The following PCDHGB5 variants were observed in gnomAD, a reference collection of about 807,000 sequenced individuals.
The protein encoded by PCDHGB5 is protocadherin gamma subfamily B, 5.
Under a neutral mutation model 62.9 loss-of-function variants are expected in PCDHGB5, and 48 were observed. The observed-to-expected ratio is 0.76, with a 90% confidence interval of 0.61 to 0.97. The LOEUF is 0.97. PCDHGB5 is among the 50% of genes least tolerant of loss of function. The pLI, the probability that PCDHGB5 is intolerant of heterozygous loss-of-function variation, is 0.00. For synonymous variants in PCDHGB5, 474 were observed against 511.2 expected (o/e 0.93, Z 0.98); for missense variants, 1,118 against 1,198.6 (o/e 0.93, Z 0.99).
In PCDHGB5 at chr5:141,410,139, T is replaced by C. The variant is rs73279096; in HGVS notation, c.2397+9615T>C. ...GCCCGCCAGCGCCTGCTGGTCGCTG[T>C]GCGTGACGGTGGACAGCCGCCACTC... On this transcript the variant is annotated intron_variant, in intron 1 of 3. Coordinates refer to ENST00000617380, the MANE Select transcript of PCDHGB5 (RefSeq NM_018925.3). The C allele has an allele frequency of 1.6e-4, 252 of 1,612,722 alleles. No individual in the cohort carries two copies. In the African/African-American group the frequency reaches 3.0e-3, roughly 19 times the overall value.
In PCDHGB5 at chr5:141,486,370, T is replaced by A; in HGVS notation, c.2398-8437T>A. On this transcript the variant is annotated intron_variant, in intron 1 of 3. Transcript: ENST00000617380. This position sits in a 1 kb window ranked among gnomAD's most constrained non-coding sequence, Gnocchi z 5.0. ...ACCACTTGCCATTTGCCCTCAAGTC[T>A]GCCTTCAGGAACCAGTTCTCCCTGG... 1 of 1,614,106 alleles carries A rather than the reference T, an allele frequency of 6.2e-7. No homozygotes were observed. The highest frequency in any genetic ancestry group is 8.5e-7 in the Non-Finnish European group (1 of 1,179,986).
Position 141,491,402 on chromosome 5 carries a change from C to T in PCDHGB5, c.2398-3405C>T. 1 of 1,614,156 alleles carries T rather than the reference C, an allele frequency of 6.2e-7. No individual in the cohort carries two copies. Among genetic ancestry groups the T allele is most frequent in the Non-Finnish European group, 8.5e-7 (1 of 1,180,022 alleles). ...TCAGCGAAGTGCCTTCAGGGAAACG[C>T]AGACGGGGACGGGGGTGGAGGGCAG... On this transcript the variant is annotated intron_variant, in intron 1 of 3. Transcript: ENST00000617380. The surrounding 1 kb of genome is among the most constrained non-coding windows in gnomAD (Gnocchi z 6.9).
At chr5:141,404,508 C>T (rs2154535422) in intron 1 of PCDHGB5, 2 of 1,613,964 alleles carry the variant, frequency 1.2e-6, no homozygotes, top group Non-Finnish European at 1.7e-6. Flanking sequence ...GCTCTGTGCT[C>T]CTTTGACTAT....
intron 1 of PCDHGB5, chr5:141,403,028 G>A (rs1396801327): frequency 6.2e-7 from 1 of 1,614,074 alleles, no homozygotes; most frequent in Admixed American, 1.7e-5. Context: ...GCTATGGGAG[G>A]CCAGGGCCAG....
chr5:141,421,617 C>T, intron 1 of PCDHGB5: 3 of 1,613,768 alleles, frequency 1.9e-6, no homozygotes, highest in African/African-American at 1.3e-5. Context: ...TTAATGATAA[C>T]GCCCCCAGCT....
At chr5:141,413,316 T>G (rs769316460) in intron 1 of PCDHGB5, 1 of 1,613,976 alleles carries the variant, frequency 6.2e-7, no homozygotes, top group South Asian at 1.1e-5. Context: ...AGAAAGGCTC[T>G]TTCGTGGGCA....
chr5:141,449,588 C>CAAA (rs768743917), intron 1 of PCDHGB5, among the ~76,000 whole-genome samples: 1 of 57,476 alleles, frequency 1.7e-5, no homozygotes, highest in East Asian at 5.2e-4. Context: ...GACTCTGTCT[C>CAAA]AAAAAAAAAA....
At chr5:141,505,532 G>A in intron 3 of PCDHGB5, 51 bp downstream of exon 3, 2 of 1,611,270 alleles carry the variant, frequency 1.2e-6, no homozygotes, top group Non-Finnish European at 1.7e-6. Context: ...GGGGTTCTGG[G>A]GTGCATCTCA....
chr5:141,471,206 T>C (rs113465424), intron 1 of PCDHGB5: 16,891 of 151,686 alleles, frequency 0.11, 970 homozygotes, highest in South Asian at 0.15. Context: ...CCCACCCCCA[T>C]GCCTGGCAAT....
intron 1 of PCDHGB5, chr5:141,408,761 G>A (rs1469424988): frequency 8.7e-6 from 14 of 1,610,446 alleles, no homozygotes; most frequent in Non-Finnish European, 1.2e-5. Flanking sequence ...AGTTAATTCC[G>A]ATGGTGGCAA....
intron 1 of PCDHGB5, chr5:141,478,803 T>G: frequency 2.1e-6 from 3 of 1,463,244 alleles, no homozygotes; most frequent in Non-Finnish European, 2.7e-6. Context: ...AGCACTCTTT[T>G]GCTATCACAA....
intron 1 of PCDHGB5, among the ~76,000 whole-genome samples, chr5:141,438,511 C>G (rs1436337566): frequency 6.8e-6 from 1 of 146,550 alleles, no homozygotes; most frequent in Non-Finnish European, 1.5e-5. Context: ...AGTGCAAAAC[C>G]AATTATTTTA....
At chr5:141,453,495 C>T (rs1490576605) in intron 1 of PCDHGB5, among the ~76,000 whole-genome samples, 1 of 151,968 alleles carries the variant, frequency 6.6e-6, no homozygotes, top group Admixed American at 6.6e-5. Flanking sequence ...AAAAGGTGTA[C>T]TCAGAAAATT....
In PCDHGB5 at chr5:141,432,927, G is replaced by T. The variant is rs774982939; in HGVS notation, c.2397+32403G>T. ...AGGCTGCGGCGCTGGCACAAGTCAC[G>T]CCTGCTGCAGGCTTCAGGAGGCGGC... is the stretch of plus-strand genomic sequence containing the variant. On this transcript the variant is annotated intron_variant, in intron 1 of 3. Coordinates refer to ENST00000617380, the MANE Select transcript of PCDHGB5 (RefSeq NM_018925.3). This position sits in a 1 kb window ranked among gnomAD's most constrained non-coding sequence, Gnocchi z 6.0. 1.9e-6 allele frequency: 3 copies of T among 1,614,162 alleles called. No homozygotes were observed. In the Admixed American group the frequency reaches 5.0e-5, roughly 27 times the overall value.
At position 141,487,915 on chromosome 5, in the gene PCDHGB5, G is replaced by T; in HGVS notation, c.2398-6892G>T. The T allele has an allele frequency of 1.5e-6, 1 of 655,128 alleles. No homozygotes were observed. Among genetic ancestry groups the T allele is most frequent in the Middle Eastern group, 3.5e-4 (1 of 2,862 alleles). The allele number at this position is 655,128 out of a possible 1,614,324, so 40.6% of individuals were successfully genotyped here. ...GATGATGGAATGTGGGAGCACAGGA[G>T]GCTACAGTGCACAGGGTACAGTGCA... On this transcript the variant is annotated intron_variant, in intron 1 of 3. Coordinates refer to ENST00000617380, the MANE Select transcript of PCDHGB5 (RefSeq NM_018925.3). This position sits in a 1 kb window ranked among gnomAD's most constrained non-coding sequence, Gnocchi z 5.0.
Position 141,489,138 on chromosome 5 carries a change from T to C in PCDHGB5, c.2398-5669T>C. 1.4e-6 allele frequency: 1 copy of C among 738,808 alleles called. No homozygotes were observed. The highest frequency in any genetic ancestry group is 3.0e-5 in the Admixed American group (1 of 33,014). The allele number at this position is 738,808 out of a possible 1,614,324, so 45.8% of individuals were successfully genotyped here. On this transcript the variant is annotated intron_variant, in intron 1 of 3. Transcript: ENST00000617380. This position sits in a 1 kb window ranked among gnomAD's most constrained non-coding sequence, Gnocchi z 4.5. ...AACCTCCGAGCAGTTTTTAAGAGGC[T>C]GGAAGGAGACATAAGAGACTTCAGC...
intron 2 of PCDHGB5, among the ~76,000 whole-genome samples, chr5:141,502,337 T>C (rs1562205634): frequency 6.6e-6 from 1 of 152,184 alleles, no homozygotes; most frequent in Admixed American, 6.5e-5. Flanking sequence ...CCCAGTCTTT[T>C]TATTTTTTTA....
rs150106838 is a variant in PCDHGB5, at chr5:141,503,886, T to C, written c.2457-1507T>C. On this transcript the variant is annotated intron_variant, in intron 2 of 3. Coordinates refer to ENST00000617380, the MANE Select transcript of PCDHGB5 (RefSeq NM_018925.3). Reference sequence around the variant, plus strand: ...AGTTCTTGGTTGTGCTCACCCACCATGACAAAATATGCACACACACAACGC... The same window carrying C: ...AGTTCTTGGTTGTGCTCACCCACCACGACAAAATATGCACACACACAACGC... Among the ~76,000 whole-genome samples, 20 of 152,290 alleles carry C rather than the reference T, an allele frequency of 1.3e-4. No individual in the cohort carries two copies. The South Asian group carries it at 3.9e-3, about 30-fold the overall frequency.
In PCDHGB5 at chr5:141,476,016, G is replaced by C; in HGVS notation, c.2398-18791G>C. On this transcript the variant is annotated intron_variant, in intron 1 of 3. Transcript: ENST00000617380. This position sits in a 1 kb window ranked among gnomAD's most constrained non-coding sequence, Gnocchi z 7.6. ...TCAACGGCATCCAGAAAGCCATGTC[G>C]GACTCGGCGCCCAGCGCCCAAGCGC... 1 of 1,359,386 alleles carries C rather than the reference G, an allele frequency of 7.4e-7. No homozygotes were observed. The highest frequency in any genetic ancestry group is 2.3e-5 in the East Asian group (1 of 43,300). 84.2% of individuals were successfully genotyped at this position (1,359,386 alleles called of 1,614,324 possible).
Sources: allele counts gnomAD v4.1 joint callset (sites outside exome capture counted in the v4.1 genomes callset), GRCh38; gene constraint gnomAD v4.1.1; non-coding constraint Gnocchi (gnomAD v3.1); transcripts MANE v1.5; gene names NCBI Gene and HGNC (gene_info 2026-07-23, HGNC 2026-07-21).